ZNF215: variants seen among roughly 807,000 people sequenced by gnomAD.
The protein encoded by ZNF215 is BWSCR2-associated zinc finger protein 2.
Under a neutral mutation model 27.2 loss-of-function variants are expected in ZNF215, and 24 were observed. The ratio of observed to expected loss-of-function variants is 0.88; its 90% CI spans 0.64 to 1.24. The LOEUF (loss-of-function observed/expected upper bound fraction) is 1.24, where lower values mean the gene tolerates loss of function less well. Among genes scored for constraint, ZNF215 ranks in the 50% most tolerant of loss-of-function variants. The pLI, the probability that ZNF215 is intolerant of heterozygous loss-of-function variation, is 0.00. For synonymous variants in ZNF215, 210 were observed against 204.0 expected (o/e 1.03, Z -0.25); for missense variants, 675 against 605.7 (o/e 1.11, Z -1.20).
chr11:6,946,872 T>C (rs1849833290), intron 6 of ZNF215, among the ~76,000 whole-genome samples: 1 of 152,174 alleles, frequency 6.6e-6, no homozygotes, highest in Non-Finnish European at 1.5e-5. Context: ...GACGGATGGA[T>C]AGATATTAGA....
intron 3 of ZNF215, among the ~76,000 whole-genome samples, chr11:6,938,370 A>G (rs141592458): frequency 2.0e-5 from 3 of 152,190 alleles, no homozygotes; most frequent in African/African-American, 7.2e-5. Flanking sequence ...TTGGAATTGT[A>G]TATCGTTGTT....
At chr11:6,952,997 T>A (rs921983943) in intron 6 of ZNF215, among the ~76,000 whole-genome samples, 3 of 152,178 alleles carry the variant, frequency 2.0e-5, no homozygotes, top group African/African-American at 7.2e-5. Flanking sequence ...CGTATGAAGC[T>A]TAGTTTGGCT....
At chr11:6,964,510 T>C (rs994501119) in intron 5 of ZNF215, among the ~76,000 whole-genome samples, 1 of 152,080 alleles carries the variant, frequency 6.6e-6, no homozygotes, top group Non-Finnish European at 1.5e-5. Context: ...TGTAGAAGAC[T>C]GTAGATTGAA....
chr11:6,951,162 A>G (rs2133268086), intron 6 of ZNF215, among the ~76,000 whole-genome samples: 1 of 152,238 alleles, frequency 6.6e-6, no homozygotes, highest in South Asian at 2.1e-4. Flanking sequence ...TTTTTGCATC[A>G]ATGTTCATCA....
At chr11:6,969,835 C>T (rs1355480260) in intron 5 of ZNF215, among the ~76,000 whole-genome samples, 3 of 152,092 alleles carry the variant, frequency 2.0e-5, no homozygotes, top group Admixed American at 6.6e-5. Flanking sequence ...GGCTGGAGTT[C>T]AGTGGTGCAA....
chr11:6,966,852 G>C lies in ZNF215; in HGVS notation c.805+11070G>C, dbSNP rs576382197. Among the ~76,000 whole-genome samples the C allele has an allele frequency of 1.7e-3, 255 of 151,906 alleles. 2 individuals are homozygous for C. The highest frequency in any genetic ancestry group is 6.0e-3 in the African/African-American group (248 of 41,426). On this transcript the variant is annotated intron_variant, in intron 5 of 5. Transcript: ENST00000529903. ...ACACTTTAAGTTCTGGGATCCATGT[G>C]CAGAACAGGCAGGTTTGTTACATAC... is the stretch of plus-strand genomic sequence containing the variant.
At chr11:6,950,420 T>C (rs866326497) in intron 6 of ZNF215, among the ~76,000 whole-genome samples, 5 of 152,278 alleles carry the variant, frequency 3.3e-5, no homozygotes, top group Middle Eastern at 6.8e-3. Context: ...AGCAGTGGTT[T>C]GTAGTTCTCC....
At chr11:6,984,163 T>C (rs1274830467) in exon 6 of ZNF215, 2 of 388,332 alleles carry the variant, frequency 5.2e-6, no homozygotes, top group African/African-American at 4.4e-5. Context: ...GGCTGGAGTA[T>C]AATGATGCAG....
intron 5 of ZNF215, among the ~76,000 whole-genome samples, chr11:6,980,921 C>T (rs1043773323): frequency 6.6e-6 from 1 of 150,494 alleles, no homozygotes; most frequent in African/African-American, 2.5e-5. Flanking sequence ...CATCCATGTC[C>T]CTACAAAGGA....
rs77810382 is a variant in ZNF215, at chr11:6,932,640, T to C, written c.368T>C (p.Ile123Thr). 13 of 1,611,950 alleles carry C rather than the reference T, an allele frequency of 8.1e-6. No homozygotes were observed. The highest frequency in any genetic ancestry group is 2.7e-5 in the African/African-American group (2 of 74,802). The change falls in exon 3 of 7, where the codon ATA (isoleucine) becomes ACA (threonine). Residue 123 changes from isoleucine (I) to threonine (T), a missense_variant. Ile to Thr is a moderately conservative substitution (Grantham distance 89, BLOSUM62 -1). Coordinates refer to ENST00000278319, the MANE Select transcript of ZNF215 (RefSeq NM_013250.4). The part of the protein sequence containing the change: ...PNNSKDMVTL[I>T]EDVIEMLEDE... The stretch of plus-strand genomic sequence containing the variant: ...AACAGTAAAGATATGGTGACCCTCA[T>C]AGAAGATGTGATTGAAATGCTTGAA...
chr11:6,950,435 A>C (rs1850008292), intron 6 of ZNF215, among the ~76,000 whole-genome samples: 2 of 152,122 alleles, frequency 1.3e-5, no homozygotes, highest in South Asian at 4.1e-4. Context: ...TTCTCCTTGA[A>C]GAGGTCCTTC....
chr11:6,969,714 T>A (rs1850685852), intron 5 of ZNF215, among the ~76,000 whole-genome samples: 1 of 152,176 alleles, frequency 6.6e-6, no homozygotes, highest in South Asian at 2.1e-4. Flanking sequence ...GAAAAAAAAT[T>A]GCAAAGAGCT....
intron 1 of ZNF215, chr11:6,926,941 T>A (rs1278874457): frequency 8.2e-6 from 1 of 121,890 alleles, no homozygotes; most frequent in Non-Finnish European, 1.6e-5. Flanking sequence ...AGACAAGCGT[T>A]GAGAGCAGCG....
chr11:6,956,513 T>G lies in ZNF215; in HGVS notation c.1536T>G (p.His512Gln). The G allele has an allele frequency of 6.3e-7, 1 of 1,590,654 alleles. No homozygotes were observed. The highest frequency in any genetic ancestry group is 8.5e-7 in the Non-Finnish European group (1 of 1,171,416). Reference sequence around the variant, plus strand: ...ACCTTGTTAAACATCAAAAACTGCATACTCGAGATAAGTCCTGAAAAAAGA... The same window carrying G: ...ACCTTGTTAAACATCAAAAACTGCAGACTCGAGATAAGTCCTGAAAAAAGA... The part of the protein sequence containing the change: ...SSNLVKHQKL[H>Q]TRDKS The change falls in exon 7 of 7, where the codon CAT becomes CAG. Residue 512 changes from histidine to glutamine, a missense_variant. His to Gln is a conservative substitution (Grantham distance 24, BLOSUM62 0). Coordinates refer to ENST00000278319, the MANE Select transcript of ZNF215 (RefSeq NM_013250.4).
Position 6,932,726 on chromosome 11 carries a change from G to T in ZNF215, c.400+54G>T, listed in dbSNP as rs1849309372. 4 of 1,510,204 alleles carry T rather than the reference G, an allele frequency of 2.6e-6. No homozygotes were observed. In the African/African-American group the frequency reaches 5.6e-5, roughly 21 times the overall value. 93.6% of individuals were successfully genotyped at this position (1,510,204 alleles called of 1,614,324 possible). A position where few individuals can be genotyped will look rare whatever the true frequency, so the allele number is the denominator to read the frequency against. ...ATACTTGACCTTTCCCATGTAAAGA[G>T]AAATTATCTTTTTTTGAGGCCAGAG... On this transcript the variant is annotated intron_variant, in intron 3 of 6. Coordinates refer to ENST00000278319, the MANE Select transcript of ZNF215 (RefSeq NM_013250.4).
intron 6 of ZNF215, among the ~76,000 whole-genome samples, chr11:6,952,771 A>G (rs7103586): frequency 0.2 from 29,690 of 151,810 alleles, 3,008 homozygotes; most frequent in Middle Eastern, 0.23. Flanking sequence ...GTTTGATCCT[A>G]TCATTATGAT....
intron 5 of ZNF215, among the ~76,000 whole-genome samples, chr11:6,971,415 G>A (rs1850715762): frequency 6.6e-6 from 1 of 152,126 alleles, no homozygotes; most frequent in South Asian, 2.1e-4. Context: ...TCTTTTTATT[G>A]CAGTTTGTTA....
intron 6 of ZNF215, among the ~76,000 whole-genome samples, chr11:6,947,449 G>T (rs753597816): frequency 5.9e-5 from 9 of 152,058 alleles, no homozygotes; most frequent in Admixed American, 4.6e-4. Flanking sequence ...TAGCTGCTTG[G>T]AGGATTGCTT....
intron 3 of ZNF215, among the ~76,000 whole-genome samples, chr11:6,941,228 C>A (rs1849622194): frequency 6.6e-6 from 1 of 152,170 alleles, no homozygotes; most frequent in African/African-American, 2.4e-5. Flanking sequence ...GAATTACAGC[C>A]TGTGATGGCT....
Sources: allele counts gnomAD v4.1 joint callset (sites outside exome capture counted in the v4.1 genomes callset), GRCh38; gene constraint gnomAD v4.1.1; transcripts MANE v1.5; gene names NCBI Gene and HGNC (gene_info 2026-07-23, HGNC 2026-07-21).